The following MORF4L1 variants were observed in gnomAD, a reference collection of about 807,000 sequenced individuals.
MORF4L1 encodes mortality factor 4-like protein 1.
In MORF4L1, 4 loss-of-function variants were observed where a neutral mutation model predicts 52.9. The observed-to-expected ratio is 0.08, with a 90% CI of 0.04 to 0.17. The LOEUF (loss-of-function observed/expected upper bound fraction) is 0.17. Ranked by LOEUF, MORF4L1 falls within the 10% of genes least tolerant of loss-of-function variation. The probability of loss-of-function intolerance (pLI) is 1.00; values close to 1 mark genes in which losing one functional copy is unlikely to be tolerated. For synonymous variants in MORF4L1, 123 were observed against 134.8 expected (o/e 0.91, Z 0.61); for missense variants, 214 against 390.4 (o/e 0.55, Z 3.81).
chr15:78,880,623 G>A (rs1444364675), intron 3 of MORF4L1, 44 bp downstream of exon 3: 3 of 1,410,594 alleles, frequency 2.1e-6, no homozygotes, highest in Non-Finnish European at 3.0e-6. Flanking sequence ...TAACAAGATA[G>A]CTTGTGTCAC....
Position 78,881,189 on chromosome 15 carries a change from C to CTTTTTTTTTTTTTTTTTT in MORF4L1, c.155+612_155+629dup, listed in dbSNP as rs570514618. Among the ~76,000 whole-genome samples, 9 of 67,180 alleles carry CTTTTTTTTTTTTTTTTTT rather than the reference C, an allele frequency of 1.3e-4. 2 individuals are homozygous for CTTTTTTTTTTTTTTTTTT. The highest frequency in any genetic ancestry group is 5.8e-4 in the East Asian group (1 of 1,724). The allele number at this position is 67,180 out of a possible 152,430, so 44.1% of individuals were successfully genotyped here. On this transcript the variant is annotated intron_variant, in intron 3 of 11. Transcript: ENST00000426013. ...AATTTCTCACCCCTAAGAGTTAAGC[C>CTTTTTTTTTTTTTTTTTT]TTTTTTTTTTTTTTTTTTTGAGAGA... is the stretch of plus-strand genomic sequence containing the variant.
At chr15:78,876,548 C>CT (rs760815628) in intron 1 of MORF4L1, 70 of 455,676 alleles carry the variant, frequency 1.5e-4, no homozygotes, top group South Asian at 9.0e-4. Flanking sequence ...TTTCAGTGCA[C>CT]TTTTTTTTCC....
Position 78,892,216 on chromosome 15 carries a change from A to C in MORF4L1, c.443A>C (p.Glu148Ala), listed in dbSNP as rs1167899548. The stretch of plus-strand genomic sequence containing the variant: ...ACTCCTCCTGTTTCTGTTTAGGAGG[A>C]AACATTCATGAACAGAGTTGAAGTT... ...ARVDPTVENE[E>A]TFMNRVEVKV... Residue 148 changes from glutamate (E) to alanine (A), a missense_variant, in exon 8 of 12, where the codon GAA becomes GCA. By Grantham distance (107) the Glu-to-Ala change is moderately radical. Around this residue, in one of 5 missense-constraint regions of MORF4L1, gnomAD observed 84 missense variants for 116.3 expected, o/e 0.72. Coordinates refer to ENST00000426013, the MANE Select transcript of MORF4L1 (RefSeq NM_006791.4). The C allele has an allele frequency of 6.2e-7, 1 of 1,609,632 alleles. No individual in the cohort carries two copies. Among genetic ancestry groups the C allele is most frequent in the Non-Finnish European group, 8.5e-7 (1 of 1,177,536 alleles).
At chr15:78,877,933 C>T (rs1275220715) in intron 1 of MORF4L1, 5 of 312,142 alleles carry the variant, frequency 1.6e-5, no homozygotes, top group Non-Finnish European at 2.9e-5. Context: ...GACAGCTTTG[C>T]AGGAGAGTCC....
At chr15:78,873,172 C>A in intron 1 of MORF4L1, 115 bp downstream of exon 1, 1 of 1,529,800 alleles carries the variant, frequency 6.5e-7, no homozygotes, top group Non-Finnish European at 8.8e-7. Context: ...GAGAAGGCGG[C>A]GGTCAGTGCT....
chr15:78,884,707 C>T (rs2056668323), intron 3 of MORF4L1, among the ~76,000 whole-genome samples: 1 of 148,196 alleles, frequency 6.7e-6, no homozygotes. Flanking sequence ...AAAATAATCT[C>T]ATTTTGAAAA....
At chr15:78,887,408 A>AT in intron 5 of MORF4L1, 59 bp downstream of exon 5, 1 of 1,455,250 alleles carries the variant, frequency 6.9e-7, no homozygotes, top group African/African-American at 1.4e-5. Context: ...TTTTATGTTC[A>AT]TTGTGTGTTA....
intron 1 of MORF4L1, among the ~76,000 whole-genome samples, chr15:78,874,583 CTTTTTTT>C (rs56665378): frequency 2.7e-5 from 3 of 112,184 alleles, no homozygotes; most frequent in Admixed American, 1.1e-4. Flanking sequence ...CTTTTTCTTT[CTTTTTTT>C]TTTTTTTTTT....
intron 1 of MORF4L1, 92 bp downstream of exon 1, chr15:78,873,149 C>G: frequency 6.5e-7 from 1 of 1,541,160 alleles, no homozygotes; most frequent in Non-Finnish European, 8.7e-7. Context: ...GGGGGCGGCG[C>G]GGGCTGCGCC....
intron 11 of MORF4L1, among the ~76,000 whole-genome samples, chr15:78,895,136 T>TA (rs2056865730): frequency 6.6e-6 from 1 of 152,218 alleles, no homozygotes; most frequent in South Asian, 2.1e-4. Context: ...AGATTGGTGA[T>TA]AAGACAGCTG....
intron 3 of MORF4L1, among the ~76,000 whole-genome samples, chr15:78,880,784 G>A (rs1050804997): frequency 2.6e-5 from 4 of 151,580 alleles, no homozygotes; most frequent in Non-Finnish European, 5.9e-5. Flanking sequence ...TGGATCTTGG[G>A]AATATTTGTT....
intron 3 of MORF4L1, among the ~76,000 whole-genome samples, chr15:78,884,792 A>G (rs536926543): frequency 1.4e-4 from 22 of 152,290 alleles, no homozygotes; most frequent in African/African-American, 4.8e-4. Context: ...CTTAAACTTC[A>G]GTTAATCTTT....
At chr15:78,873,916 C>T (rs2056425839) in intron 1 of MORF4L1, 1 of 152,208 alleles carries the variant, frequency 6.6e-6, no homozygotes, top group Non-Finnish European at 1.5e-5. Flanking sequence ...ACGCCGTTTG[C>T]ATTTGTAAGT....
Position 78,894,154 on chromosome 15 carries a change from T to A in MORF4L1, c.726T>A (p.Tyr242Ter). 6.2e-7 allele frequency: 1 copy of A among 1,614,090 alleles called. No homozygotes were observed. The highest frequency in any genetic ancestry group is 8.5e-7 in the Non-Finnish European group (1 of 1,179,964). The change falls in exon 10 of 12, where the codon TAT becomes TAA. Residue 242 changes from tyrosine to a stop codon, truncating the protein, a stop_gained. Transcript: ENST00000426013. LOFTEE classifies it high-confidence loss of function. ...TCTATAAATTTGAGAGACCACAGTA[T>A]GCTGAAATTCTTGCAGATCATCCCG... Reference protein sequence around the residue: ...QLLYKFERPQYAEILADHPDA... With the variant: ...QLLYKFERPQ
chr15:78,886,719 G>T (rs1376104231), intron 4 of MORF4L1, among the ~76,000 whole-genome samples: 1 of 152,180 alleles, frequency 6.6e-6, no homozygotes, highest in Non-Finnish European at 1.5e-5. Context: ...ATTTTGGGAG[G>T]CCAAGGCGGG....
chr15:78,881,426 C>A (rs1016036145), intron 3 of MORF4L1, among the ~76,000 whole-genome samples: 1 of 151,914 alleles, frequency 6.6e-6, no homozygotes, highest in Non-Finnish European at 1.5e-5. Context: ...GAACTCTTGA[C>A]CTCAGGTGAT....
chr15:78,894,374 T>C lies in MORF4L1; in HGVS notation c.802+144T>C, dbSNP rs191423576. 6.8e-5 allele frequency: 41 copies of C among 599,272 alleles called. 1 individual carries two copies. In the Admixed American group the frequency reaches 1.2e-3, roughly 18 times the overall value. 37.1% of individuals were successfully genotyped at this position (599,272 alleles called of 1,614,324 possible). A position where few individuals can be genotyped will look rare whatever the true frequency, so the allele number is the denominator to read the frequency against. On this transcript the variant is annotated intron_variant, in intron 10 of 11. Coordinates refer to ENST00000426013, the MANE Select transcript of MORF4L1 (RefSeq NM_006791.4). ...CTAGAATGTTAAATAGCAAAATCTC[T>C]TTAGGAGCAAGAGTTTTAAAAATCG...
rs753010864 is a variant in MORF4L1, at chr15:78,880,497, T to C, written c.88-15T>C. 1 of 1,571,120 alleles carries C rather than the reference T, an allele frequency of 6.4e-7. No homozygotes were observed. Among genetic ancestry groups the C allele is most frequent in the South Asian group, 1.2e-5 (1 of 85,374 alleles). On this transcript the variant is annotated splice_polypyrimidine_tract_variant and intron_variant, in intron 2 of 11. Transcript: ENST00000426013. Reference sequence around the variant, plus strand: ...AAATTTCTAAGTGAATTATTATTTTTTTTTTGAATTTCAGTGTGTAAAGGT... The same window carrying C: ...AAATTTCTAAGTGAATTATTATTTTCTTTTTGAATTTCAGTGTGTAAAGGT...
At chr15:78,880,396 G>T in intron 2 of MORF4L1, 116 bp from the exon 3 acceptor site, 1 of 702,052 alleles carries the variant, frequency 1.4e-6, no homozygotes, top group Non-Finnish European at 2.4e-6. Flanking sequence ...AGTGTTCTTA[G>T]TCATTCTGTT....
Sources: gnomAD v4.1 joint callset for allele counts (sites outside exome capture counted in the v4.1 genomes callset) on GRCh38, gnomAD v4.1.1 for gene constraint, gnomAD v4.1.1 regional missense constraint, MANE v1.5 for transcripts, NCBI Gene and HGNC (gene_info 2026-07-23, HGNC 2026-07-21) for gene names.